Variants in DISC1 observed in about 807,000 individuals in gnomAD.
The protein encoded by DISC1 is DISC1 scaffold protein, also known as disrupted in schizophrenia 1 protein.
In DISC1, 57 loss-of-function variants were observed where a neutral mutation model predicts 84.5. That is an observed-to-expected ratio of 0.67 (90% CI 0.55 to 0.84). The LOEUF is 0.84. Among genes scored for constraint, DISC1 ranks in the 40% least tolerant of loss-of-function variants. The pLI is 0.00. For synonymous variants in DISC1, 411 were observed against 415.2 expected (o/e 0.99, Z 0.12); for missense variants, 1,000 against 1,057.8 (o/e 0.95, Z 0.76).
rs116248652 is a variant in DISC1, at chr1:231,880,599, G to T, written c.1981+62082G>T. ...GACAGGTTCGTATGCCCACTGCACA[G>T]TAATAGACCCATTACATGGAGACAG... On this transcript the variant is annotated intron_variant, in intron 9 of 12. Transcript: ENST00000439617. Among the ~76,000 whole-genome samples the T allele has an allele frequency of 3.0e-3, 462 of 152,306 alleles. 3 individuals carry two copies. The highest frequency in any genetic ancestry group is 0.011 in the African/African-American group (450 of 41,560).
rs145350248 is a variant in DISC1, at chr1:231,954,964, G to A, written c.1982-3864G>A. ...GGCAAGAAGAAAAGCCCATGGCTTT[G>A]CCTGGAAGTTCTTGTGCAGGTCCAG... On this transcript the variant is annotated intron_variant, in intron 9 of 12. Coordinates refer to ENST00000439617, the MANE Select transcript of DISC1 (RefSeq NM_018662.3). The surrounding 1 kb of genome is among the most constrained non-coding windows in gnomAD (Gnocchi z 4.8). Among the ~76,000 whole-genome samples the A allele has an allele frequency of 9.3e-4, 142 of 152,292 alleles. No individual in the cohort carries two copies. The highest frequency in any genetic ancestry group is 3.3e-3 in the African/African-American group (138 of 41,552).
Position 232,039,395 on chromosome 1 carries a change from A to G in DISC1, c.*2564A>G, listed in dbSNP as rs1014224532. On this transcript the variant is annotated 3_prime_UTR_variant, in exon 13 of 13. Transcript: ENST00000439617. ...ATGTATTTGAAAATTCTGCAAGTTA[A>G]TAACTGCCTTGAATTGTTTGAACCC... 6.6e-6 allele frequency: 1 copy of G among 152,230 alleles called. No homozygotes were observed. The highest frequency in any genetic ancestry group is 1.5e-5 in the Non-Finnish European group (1 of 68,042). 9.4% of individuals were successfully genotyped at this position (152,230 alleles called of 1,614,324 possible). A position where few individuals can be genotyped will look rare whatever the true frequency, so the allele number is the denominator to read the frequency against.
At chr1:231,688,238 GTGT>G (rs1191436616) in intron 1 of DISC1, among the ~76,000 whole-genome samples, 2 of 152,114 alleles carry the variant, frequency 1.3e-5, no homozygotes, top group Non-Finnish European at 2.9e-5. Context: ...GTGTGTGTGT[GTGT>G]TGTGTTTGCA....
intron 9 of DISC1, among the ~76,000 whole-genome samples, chr1:231,912,732 G>A (rs1171153353): frequency 2.8e-5 from 4 of 143,648 alleles, no homozygotes; most frequent in East Asian, 3.8e-4. Flanking sequence ...ATTTAAGTCT[G>A]CAGCTTGCTC....
chr1:231,952,687 A>G (rs932237872), intron 9 of DISC1, among the ~76,000 whole-genome samples: 6 of 130,092 alleles, frequency 4.6e-5, no homozygotes, highest in East Asian at 3.0e-4. Flanking sequence ...TCATATATAT[A>G]TGTTTATATA....
chr1:231,762,522 T>G (rs1384219322), intron 4 of DISC1, among the ~76,000 whole-genome samples: 2 of 149,454 alleles, frequency 1.3e-5, no homozygotes, highest in Non-Finnish European at 3.0e-5. Flanking sequence ...TTGTTTTTTT[T>G]TTTTTTTTGG....
chr1:231,824,606 G>A (rs2759329), intron 9 of DISC1, among the ~76,000 whole-genome samples: 93,500 of 151,866 alleles, frequency 0.62, 29,015 homozygotes, highest in East Asian at 0.8. Context: ...GAAATTTGCA[G>A]CTAACTTTCT....
At chr1:231,736,759 A>C (rs2072560014) in intron 3 of DISC1, among the ~76,000 whole-genome samples, 1 of 152,226 alleles carries the variant, frequency 6.6e-6, no homozygotes, top group South Asian at 2.1e-4. Context: ...CATTATGTAA[A>C]AACCAAAGAA....
chr1:231,919,826 G>A (rs2089887404), intron 9 of DISC1, among the ~76,000 whole-genome samples: 1 of 152,146 alleles, frequency 6.6e-6, no homozygotes, highest in African/African-American at 2.4e-5. Context: ...ATAATTTCAG[G>A]TGTGCCTTGA....
At chr1:231,945,371 A>G (rs1228755862) in intron 9 of DISC1, 2 of 152,238 alleles carry the variant, frequency 1.3e-5, no homozygotes, top group Non-Finnish European at 2.9e-5. Context: ...TCCTGGGTAC[A>G]TAATGAAATG....
chr1:231,769,676 GT>G (rs1487411798), intron 5 of DISC1, among the ~76,000 whole-genome samples: 3 of 152,204 alleles, frequency 2.0e-5, no homozygotes, highest in Non-Finnish European at 2.9e-5. Flanking sequence ...AAAGAGTTCT[GT>G]GGATGGATGG....
At chr1:231,779,200 C>A (rs2077187758) in intron 6 of DISC1, among the ~76,000 whole-genome samples, 1 of 152,148 alleles carries the variant, frequency 6.6e-6, no homozygotes, top group South Asian at 2.1e-4. Flanking sequence ...CCATGGCAGT[C>A]CTTGCACCGC....
chr1:231,908,985 G>A (rs887790476), intron 9 of DISC1, among the ~76,000 whole-genome samples: 4 of 152,122 alleles, frequency 2.6e-5, no homozygotes, highest in Non-Finnish European at 5.9e-5. Flanking sequence ...TGTTATTGGT[G>A]TATGGGAATG....
Position 231,788,981 on chromosome 1 carries a change from A to T in DISC1, c.1635-6261A>T, listed in dbSNP as rs146781731. On this transcript the variant is annotated intron_variant, in intron 6 of 12. Coordinates refer to ENST00000439617, the MANE Select transcript of DISC1 (RefSeq NM_018662.3). ...ATTAGGTACACACTGTGTACCAAAC[A>T]CTTCAAGTACTTCTCCAAAAATCCT... Among the ~76,000 whole-genome samples, 469 of 152,176 alleles carry T rather than the reference A, an allele frequency of 3.1e-3. 3 individuals carry two copies. The highest frequency in any genetic ancestry group is 0.024 in the Middle Eastern group (7 of 294).
At chr1:231,991,543 A>G (rs1665199421) in intron 10 of DISC1, among the ~76,000 whole-genome samples, 1 of 152,162 alleles carries the variant, frequency 6.6e-6, no homozygotes, top group African/African-American at 2.4e-5. Flanking sequence ...CTTCTCCCTG[A>G]CGTTGAGCTT....
intron 9 of DISC1, among the ~76,000 whole-genome samples, chr1:231,841,787 A>G (rs1421574209): frequency 6.8e-6 from 1 of 148,100 alleles, no homozygotes; most frequent in African/African-American, 2.5e-5. Context: ...GCTGAGTAGA[A>G]TTGTTAATTA....
At chr1:231,629,799 T>C (rs190224844) in intron 1 of DISC1, among the ~76,000 whole-genome samples, 2 of 152,364 alleles carry the variant, frequency 1.3e-5, no homozygotes, top group African/African-American at 4.8e-5. Flanking sequence ...ACTTTTTCTT[T>C]TTTTAAAATC....
chr1:231,932,911 G>A (rs201603659), intron 9 of DISC1, among the ~76,000 whole-genome samples: 2 of 152,066 alleles, frequency 1.3e-5, no homozygotes, highest in African/African-American at 4.8e-5. Flanking sequence ...CCTGGAGAGC[G>A]CCAATTAGTT....
intron 3 of DISC1, among the ~76,000 whole-genome samples, chr1:231,740,084 C>G (rs2073047959): frequency 6.6e-6 from 1 of 152,158 alleles, no homozygotes; most frequent in Admixed American, 6.5e-5. Flanking sequence ...AAGCAGCTGC[C>G]TGAAACGTGG....
Sources: allele counts gnomAD v4.1 joint callset (sites outside exome capture counted in the v4.1 genomes callset), GRCh38; gene constraint gnomAD v4.1.1; non-coding constraint Gnocchi (gnomAD v3.1); transcripts MANE v1.5; gene names NCBI Gene and HGNC (gene_info 2026-07-23, HGNC 2026-07-21).